OSBPL3: variants seen among roughly 807,000 people sequenced by gnomAD.
The protein encoded by OSBPL3 is oxysterol-binding protein-related protein 3.
A neutral mutation model predicts 120.1 loss-of-function variants in OSBPL3; 65 were observed. That is an observed-to-expected ratio of 0.54 (90% confidence interval 0.44 to 0.67). The LOEUF is 0.67. Ranked by LOEUF, OSBPL3 falls within the 30% of genes least tolerant of loss-of-function variation. The pLI is 0.00. For synonymous variants in OSBPL3, 416 were observed against 402.6 expected, an observed-to-expected ratio of 1.03 and a Z score of -0.40; for missense variants, 1,004 against 1,082.1, an observed-to-expected ratio of 0.93 and a Z score of 1.01.
intron 1 of OSBPL3, among the ~76,000 whole-genome samples, chr7:24,979,264 C>A (rs775546270): frequency 6.7e-6 from 1 of 148,740 alleles, no homozygotes; most frequent in East Asian, 2.0e-4. Context: ...TGAAGGTGAT[C>A]TGAACAGTAG....
intron 1 of OSBPL3, among the ~76,000 whole-genome samples, chr7:24,921,202 T>TAA (rs11459687): frequency 5.3e-5 from 8 of 150,968 alleles, no homozygotes; most frequent in Non-Finnish European, 8.9e-5. Context: ...AAGCCCACAT[T>TAA]AAAAAAAAAG....
intron 10 of OSBPL3, among the ~76,000 whole-genome samples, chr7:24,856,625 T>C (rs1294255856): frequency 1.3e-5 from 2 of 152,134 alleles, no homozygotes; most frequent in Admixed American, 1.3e-4. Flanking sequence ...TTTTGGACAA[T>C]TATATTCAGG....
chr7:24,873,790 C>T lies in OSBPL3; in HGVS notation c.97-1721G>A, dbSNP rs1429016320. ...TATTTTAGCTCAGAAAGCCATTCCA[C>T]AAAATTTAACACATTTTACCCATCT... On this transcript the variant is annotated intron_variant, in intron 2 of 22. Transcript: ENST00000313367. The surrounding 1 kb of genome is among the most constrained non-coding windows in gnomAD (Gnocchi z 4.1). Among the ~76,000 whole-genome samples, 1 of 151,930 alleles carries T rather than the reference C, an allele frequency of 6.6e-6. No individual in the cohort carries two copies. The highest frequency in any genetic ancestry group is 1.5e-5 in the Non-Finnish European group (1 of 67,984).
intron 1 of OSBPL3, among the ~76,000 whole-genome samples, chr7:24,956,925 TTGTC>T (rs1815133877): frequency 6.6e-6 from 1 of 152,228 alleles, no homozygotes; most frequent in Non-Finnish European, 1.5e-5. Flanking sequence ...TTTTTATTCA[TTGTC>T]TGTTCCATCA....
At position 24,871,628 on chromosome 7, in the gene OSBPL3, A is replaced by G. The variant is rs1802124534; in HGVS notation, c.267+114T>C. On this transcript the variant is annotated intron_variant, in intron 4 of 22. Transcript: ENST00000313367. This position sits in a 1 kb window ranked among gnomAD's most constrained non-coding sequence, Gnocchi z 4.8. ...GCTCAGACAGAAGTGTTTCCCCTCT[A>G]TGGTTTCCAGTTCCGAGAAAAGCTA... 5 of 794,008 alleles carry G rather than the reference A, an allele frequency of 6.3e-6. No individual in the cohort carries two copies. The highest frequency in any genetic ancestry group is 5.1e-5 in the South Asian group (3 of 58,824). The allele number at this position is 794,008 out of a possible 1,614,324, so 49.2% of individuals were successfully genotyped here.
chr7:24,944,553 C>T (rs891643970), intron 1 of OSBPL3, among the ~76,000 whole-genome samples: 1 of 151,404 alleles, frequency 6.6e-6, no homozygotes, highest in Non-Finnish European at 1.5e-5. Context: ...TCACTTGAAC[C>T]CAGGAGGCGG....
At position 24,890,949 on chromosome 7, in the gene OSBPL3, A is replaced by G. The variant is rs77120600; in HGVS notation, c.96+1428T>C. On this transcript the variant is annotated intron_variant, in intron 2 of 22. Coordinates refer to ENST00000313367, the MANE Select transcript of OSBPL3 (RefSeq NM_015550.4). ...ATTTCATTGTACTGTTCCAATTCCT[A>G]TGGTGTAATCACCACCTGCTACTTA... 2.1e-4 allele frequency among the ~76,000 whole-genome samples: 32 copies of G among 152,326 alleles called. No individual in the cohort carries two copies. The East Asian group carries it at 6.2e-3, about 29-fold the overall frequency.
intron 5 of OSBPL3, among the ~76,000 whole-genome samples, chr7:24,869,400 G>GA (rs1801799766): frequency 6.6e-6 from 1 of 152,246 alleles, no homozygotes; most frequent in South Asian, 2.1e-4. Flanking sequence ...CAATGAAACA[G>GA]AAAAAACGAT....
At position 24,968,580 on chromosome 7, in the gene OSBPL3, A is replaced by G. The variant is rs1816649458; in HGVS notation, c.-150+11306T>C. Among the ~76,000 whole-genome samples the G allele has an allele frequency of 6.6e-6, 1 of 152,150 alleles. No homozygotes were observed. The highest frequency in any genetic ancestry group is 2.4e-5 in the African/African-American group (1 of 41,442). ...CCCAGCTAATTTTTTTATTTTTAGTACAGACAGGGTTTCACCATGTTGGCC... is the reference window on the plus strand; with the variant it reads ...CCCAGCTAATTTTTTTATTTTTAGTGCAGACAGGGTTTCACCATGTTGGCC... On this transcript the variant is annotated intron_variant, in intron 1 of 22. Coordinates refer to ENST00000313367, the MANE Select transcript of OSBPL3 (RefSeq NM_015550.4). This position sits in a 1 kb window ranked among gnomAD's most constrained non-coding sequence, Gnocchi z 4.6.
chr7:24,951,597 T>C (rs79700512), intron 1 of OSBPL3, among the ~76,000 whole-genome samples: 1 of 152,184 alleles, frequency 6.6e-6, no homozygotes. Flanking sequence ...CACAAATCCC[T>C]TCCCCCTACC....
intron 18 of OSBPL3, among the ~76,000 whole-genome samples, chr7:24,816,112 C>G (rs991713548): frequency 6.6e-6 from 1 of 152,200 alleles, no homozygotes; most frequent in Non-Finnish European, 1.5e-5. Context: ...TAGCCTCAAC[C>G]TCCCCAGGCT....
rs1230045329 is a variant in OSBPL3 at position 24,917,474 on chromosome 7, C to T, written c.-149-24853G>A. On this transcript the variant is annotated intron_variant, in intron 1 of 22. Transcript: ENST00000313367. ...ACACACATATATATATATATACACA[C>T]ACACACACACACACTTAAACAGGGA... Among the ~76,000 whole-genome samples, 40 of 134,892 alleles carry T rather than the reference C, an allele frequency of 3.0e-4. 1 individual carries two copies. Among genetic ancestry groups the T allele is most frequent in the East Asian group, 1.8e-3 (7 of 3,826 alleles). The allele number at this position is 134,892 out of a possible 152,430, so 88.5% of individuals were successfully genotyped here.
intron 1 of OSBPL3, among the ~76,000 whole-genome samples, chr7:24,960,753 G>T (rs977931925): frequency 6.6e-6 from 1 of 152,168 alleles, no homozygotes; most frequent in African/African-American, 2.4e-5. Flanking sequence ...AACACAAAAA[G>T]ATAATTAACT....
At chr7:24,843,403 G>A (rs560847683) in intron 12 of OSBPL3, among the ~76,000 whole-genome samples, 5 of 152,218 alleles carry the variant, frequency 3.3e-5, no homozygotes, top group East Asian at 1.9e-4. Context: ...AAAACCACTC[G>A]TATTTTTTAT....
chr7:24,846,688 T>C (rs1009083413), intron 12 of OSBPL3, among the ~76,000 whole-genome samples: 2 of 152,110 alleles, frequency 1.3e-5, no homozygotes, highest in Non-Finnish European at 2.9e-5. Context: ...GTGGGGGTAA[T>C]TTCTGATATT....
Position 24,879,153 on chromosome 7 carries a change from G to T in OSBPL3, c.97-7084C>A, listed in dbSNP as rs1008056269. On this transcript the variant is annotated intron_variant, in intron 2 of 22. Transcript: ENST00000313367. The surrounding 1 kb of genome is among the most constrained non-coding windows in gnomAD (Gnocchi z 5.6). The stretch of plus-strand genomic sequence containing the variant: ...AGAGGCTGGTGGTCACCTGGCAGAG[G>T]CACCACAGAGAAGATTCCAAGACTG... Among the ~76,000 whole-genome samples, 1 of 152,132 alleles carries T rather than the reference G, an allele frequency of 6.6e-6. No homozygotes were observed. The highest frequency in any genetic ancestry group is 1.9e-4 in the East Asian group (1 of 5,198).
chr7:24,810,379 C>T (rs530415103), intron 19 of OSBPL3: 47 of 154,926 alleles, frequency 3.0e-4, no homozygotes, highest in Non-Finnish European at 4.7e-4. Context: ...CAAAATTAGC[C>T]GGGTGTGGTA....
At chr7:24,904,944 TGTGTGTGTGTGTGTGTGA>T (rs1419828904) in intron 1 of OSBPL3, among the ~76,000 whole-genome samples, 1 of 151,080 alleles carries the variant, frequency 6.6e-6, no homozygotes, top group Non-Finnish European at 1.5e-5. Context: ...TGTGTGTGTG[TGTGTGTGTGTGTGTGTGA>T]ATAAAGTTAA....
Position 24,937,165 on chromosome 7 carries a change from GA to G in OSBPL3, c.-150+42720del. On this transcript the variant is annotated intron_variant, in intron 1 of 22. Transcript: ENST00000313367. This position sits in a 1 kb window ranked among gnomAD's most constrained non-coding sequence, Gnocchi z 4.0. ...CAGGAGAAATGCCGAGCAAAAGGGG[GA>G]AAAGGCCCTTATATTATAAAACCAT... is the stretch of plus-strand genomic sequence containing the variant. Among the ~76,000 whole-genome samples, 1 of 152,280 alleles carries G rather than the reference GA, an allele frequency of 6.6e-6. No homozygotes were observed. The highest frequency in any genetic ancestry group is 1.5e-5 in the Non-Finnish European group (1 of 68,018).
Sources: allele counts gnomAD v4.1 joint callset (sites outside exome capture counted in the v4.1 genomes callset), GRCh38; gene constraint gnomAD v4.1.1; non-coding constraint Gnocchi (gnomAD v3.1); transcripts MANE v1.5; gene names NCBI Gene and HGNC (gene_info 2026-07-23, HGNC 2026-07-21).